Variants in IL12RB1 observed in about 807,000 individuals in gnomAD.
IL12RB1 encodes the protein interleukin-12 receptor subunit beta-1.
In IL12RB1, 64 loss-of-function variants were observed where a neutral mutation model predicts 94.4. The observed-to-expected ratio is 0.68, with a 90% CI of 0.55 to 0.83. The LOEUF (loss-of-function observed/expected upper bound fraction) is 0.83, where lower values mean the gene tolerates loss of function less well. Ranked by LOEUF, IL12RB1 falls within the 40% of genes least tolerant of loss-of-function variation. IL12RB1 has a pLI of 0.00. For missense variants in IL12RB1, 814 were observed against 855.6 expected (o/e 0.95, Z 0.61); for synonymous variants, 362 against 355.5 (o/e 1.02, Z -0.21).
intron 4 of IL12RB1, among the ~76,000 whole-genome samples, chr19:18,079,105 T>TTA (rs1568511424): frequency 3.9e-5 from 3 of 77,442 alleles, no homozygotes; most frequent in Non-Finnish European, 1.0e-4. Context: ...ACACTTAAAA[T>TTA]TTTTTTTTTT....
At position 18,086,855 on chromosome 19, in the gene IL12RB1, G is replaced by A. The variant is rs146195217; in HGVS notation, c.-32C>T. The A allele has an allele frequency of 6.3e-7, 1 of 1,597,904 alleles. No individual in the cohort carries two copies. The highest frequency in any genetic ancestry group is 8.5e-7 in the Non-Finnish European group (1 of 1,172,118). On this transcript the variant is annotated 5_prime_UTR_variant, in exon 1 of 17. Transcript: ENST00000593993. The stretch of plus-strand genomic sequence containing the variant: ...CACGTAGAGCCCCACAGCCCCAGGG[G>A]AGCCTCTCTGCCACCTGCGAGGTTC...
intron 13 of IL12RB1, among the ~76,000 whole-genome samples, chr19:18,063,189 G>A (rs1469397167): frequency 7.4e-6 from 1 of 134,826 alleles, no homozygotes; most frequent in Non-Finnish European, 1.5e-5. Flanking sequence ...TTGAACTCCT[G>A]GTCTCAAGCC....
intron 1 of IL12RB1, among the ~76,000 whole-genome samples, chr19:18,092,159 A>G (rs404068): frequency 0.17 from 25,227 of 149,232 alleles, 2,199 homozygotes; most frequent in Non-Finnish European, 0.2. Context: ...TTACCGGCGT[A>G]AGCCACCGCC....
intron 2 of IL12RB1, 21 bp downstream of exon 2, chr19:18,083,411 C>A: frequency 6.2e-7 from 1 of 1,611,246 alleles, no homozygotes; most frequent in Non-Finnish European, 8.5e-7. Context: ...CCTCAGCCAA[C>A]AATGAGGAAC....
chr19:18,081,339 G>A (rs1458202366), intron 3 of IL12RB1, among the ~76,000 whole-genome samples: 4 of 150,848 alleles, frequency 2.7e-5, no homozygotes, highest in African/African-American at 7.3e-5. Flanking sequence ...CAAGTGATCC[G>A]CCCACCTCAG....
intron 7 of IL12RB1, among the ~76,000 whole-genome samples, chr19:18,074,473 C>T (rs149559233): frequency 5.8e-4 from 89 of 152,242 alleles, no homozygotes; most frequent in African/African-American, 2.0e-3. Flanking sequence ...GTGGGCTGAG[C>T]GCAGTGGCTC....
intron 14 of IL12RB1, among the ~76,000 whole-genome samples, chr19:18,061,671 GC>G: frequency 6.6e-6 from 1 of 151,798 alleles, no homozygotes; most frequent in Non-Finnish European, 1.5e-5. Context: ...GACCAGCCTG[GC>G]CAACATGGTG....
upstream of IL12RB1, among the ~76,000 whole-genome samples, chr19:18,088,404 T>TATATATATATATATATATATATATATAA (rs1038225227): frequency 1.2e-3 from 160 of 137,704 alleles, 2 homozygotes; most frequent in Middle Eastern, 3.5e-3. Flanking sequence ...TATATATATA[T>TATATATATATATATATATATATATATAA]AAATTAAAAG....
intron 10 of IL12RB1, among the ~76,000 whole-genome samples, chr19:18,068,884 G>A (rs890562617): frequency 3.1e-4 from 47 of 151,882 alleles, no homozygotes; most frequent in South Asian, 6.2e-4. Flanking sequence ...GAGTAGCTGG[G>A]ATTTACAGGT....
upstream of IL12RB1, among the ~76,000 whole-genome samples, chr19:18,087,221 T>G (rs1377163213): frequency 6.6e-6 from 1 of 151,142 alleles, no homozygotes; most frequent in Non-Finnish European, 1.5e-5. Flanking sequence ...TTTTTTTTTT[T>G]TTTTTTGAGA....
intron 10 of IL12RB1, among the ~76,000 whole-genome samples, chr19:18,068,773 G>C (rs2034789254): frequency 7.0e-6 from 1 of 143,308 alleles, no homozygotes; most frequent in Non-Finnish European, 1.5e-5. Flanking sequence ...TTTTGAGATG[G>C]AGTCTCGCTG....
chr19:18,086,036 C>T (rs992096649), intron 1 of IL12RB1, among the ~76,000 whole-genome samples: 25 of 151,940 alleles, frequency 1.6e-4, no homozygotes, highest in South Asian at 4.2e-4. Flanking sequence ...GGCAACACAG[C>T]GAGACGCTGT....
chr19:18,073,626 C>T (rs766325602), intron 7 of IL12RB1, 27 bp from the exon 8 acceptor site: 24 of 1,383,008 alleles, frequency 1.7e-5, no homozygotes, highest in African/African-American at 5.7e-5. Context: ...ACCAACTAGA[C>T]GAATTGGAAG....
At position 18,086,841 on chromosome 19, in the gene IL12RB1, C is replaced by G; in HGVS notation, c.-18G>C. On this transcript the variant is annotated 5_prime_UTR_variant, in exon 1 of 17. Transcript: ENST00000593993. ...GGCTCCATCGGATCCACGTAGAGCC[C>G]CACAGCCCCAGGGGAGCCTCTCTGC... The G allele has an allele frequency of 6.2e-7, 1 of 1,605,292 alleles. No homozygotes were observed. Among genetic ancestry groups the G allele is most frequent in the East Asian group, 2.2e-5 (1 of 44,494 alleles).
intron 4 of IL12RB1, among the ~76,000 whole-genome samples, 166 bp from the exon 5 acceptor site, chr19:18,077,821 A>G (rs941133592): frequency 3.3e-5 from 5 of 152,166 alleles, no homozygotes; most frequent in African/African-American, 1.2e-4. Context: ...AAAAGTCAAG[A>G]TTTATACACA....
At position 18,059,401 on chromosome 19, in the gene IL12RB1, G is replaced by C; in HGVS notation, c.*207C>G. 2 of 630,292 alleles carry C rather than the reference G, an allele frequency of 3.2e-6. No homozygotes were observed. Among genetic ancestry groups the C allele is most frequent in the Non-Finnish European group, 2.9e-6 (1 of 348,882 alleles). The allele number at this position is 630,292 out of a possible 1,614,324, so 39.0% of individuals were successfully genotyped here. ...TGGCAGGGTCTGCTCCTGCCCCACG[G>C]ATGCCAGGCCCAGCAGGGTGCAGCA... On this transcript the variant is annotated 3_prime_UTR_variant, in exon 17 of 17. Transcript: ENST00000593993.
chr19:18,063,037 C>G (rs1326226549), intron 13 of IL12RB1, among the ~76,000 whole-genome samples: 1 of 147,020 alleles, frequency 6.8e-6, no homozygotes, highest in African/African-American at 2.5e-5. Flanking sequence ...TCTTCTATTC[C>G]TCTTCCTCTT....
rs1481429654 is a variant in IL12RB1 at position 18,060,006 on chromosome 19, TC to T, written c.1870del (p.Asp624ThrfsTer42). ...QEALVVEMSW[D>X]KGERTEPLEK... ...GAGAGGCTCAGTCCTCTCGCCTTTG[TC>T]CCAGGACATCTCTACCACCAGGGCC... On this transcript the variant is annotated frameshift_variant, in exon 16 of 17. Coordinates refer to ENST00000593993, the MANE Select transcript of IL12RB1 (RefSeq NM_005535.3). LOFTEE classifies it high-confidence loss of function. 2 of 1,602,486 alleles carry T rather than the reference TC, an allele frequency of 1.2e-6. No individual in the cohort carries two copies. The highest frequency in any genetic ancestry group is 2.7e-5 in the African/African-American group (2 of 74,674).
intron 12 of IL12RB1, among the ~76,000 whole-genome samples, chr19:18,064,807 G>A (rs1368624813): frequency 1.3e-5 from 2 of 152,146 alleles, no homozygotes; most frequent in Non-Finnish European, 1.5e-5. Context: ...TGGATCTGAG[G>A]TTGGAGGCAG....
Sources: gnomAD v4.1 joint callset for allele counts (sites outside exome capture counted in the v4.1 genomes callset) on GRCh38, gnomAD v4.1.1 for gene constraint, MANE v1.5 for transcripts, NCBI Gene and HGNC (gene_info 2026-07-23, HGNC 2026-07-21) for gene names.